The following UNC5D variants were observed in gnomAD, a reference collection of about 807,000 sequenced individuals.
The protein encoded by UNC5D is unc-5 netrin receptor D, also known as netrin receptor UNC5D.
UNC5D carries 39 observed loss-of-function variants against 105.4 expected under a neutral mutation model. The ratio of observed to expected loss-of-function variants is 0.37; its 90% CI spans 0.29 to 0.48. The LOEUF is 0.48. UNC5D is among the 20% of genes least tolerant of loss of function. The pLI, the probability that UNC5D is intolerant of heterozygous loss-of-function variation, is 0.98. For missense variants in UNC5D, 991 were observed against 1,202.4 expected (o/e 0.82, Z 2.60); for synonymous variants, 452 against 450.4 (o/e 1.00, Z -0.04).
chr8:35,697,140 TAC>T (rs10552113), intron 7 of UNC5D, among the ~76,000 whole-genome samples: 19,688 of 147,930 alleles, frequency 0.13, 2,871 homozygotes, highest in African/African-American at 0.36. Flanking sequence ...TATATATACA[TAC>T]ACACACACAC....
intron 4 of UNC5D, among the ~76,000 whole-genome samples, chr8:35,647,644 TAGCAG>T (rs1823139872): frequency 6.6e-6 from 1 of 152,186 alleles, no homozygotes; most frequent in Non-Finnish European, 1.5e-5. Flanking sequence ...AATGCTCTCT[TAGCAG>T]ATAACACAAA....
At chr8:35,319,888 A>G (rs1809594306) in intron 1 of UNC5D, among the ~76,000 whole-genome samples, 1 of 152,052 alleles carries the variant, frequency 6.6e-6, no homozygotes, top group African/African-American at 2.4e-5. Flanking sequence ...AAAATGTAAC[A>G]GTCATGTTTC....
At chr8:35,652,053 C>T (rs149090386) in intron 4 of UNC5D, among the ~76,000 whole-genome samples, 129 of 152,186 alleles carry the variant, frequency 8.5e-4, no homozygotes, top group Non-Finnish European at 1.6e-3. Context: ...TTGGGCATAC[C>T]CTAACTTGCC....
At chr8:35,445,460 G>A (rs1807716698) in intron 1 of UNC5D, among the ~76,000 whole-genome samples, 1 of 151,996 alleles carries the variant, frequency 6.6e-6, no homozygotes, top group Non-Finnish European at 1.5e-5. Flanking sequence ...GTGCTTCTGA[G>A]TTCCCTGTAA....
At chr8:35,481,415 A>C (rs776963683) in intron 1 of UNC5D, among the ~76,000 whole-genome samples, 7 of 152,286 alleles carry the variant, frequency 4.6e-5, no homozygotes, top group South Asian at 4.1e-4. Context: ...AAAGAAAAGA[A>C]AACAGAAAAT....
chr8:35,257,792 A>T (rs973344820), intron 1 of UNC5D, among the ~76,000 whole-genome samples: 10 of 152,304 alleles, frequency 6.6e-5, no homozygotes, highest in African/African-American at 2.4e-4. Flanking sequence ...TGCTAGCCAG[A>T]TTGCAGATCC....
chr8:35,670,327 C>T (rs1824697848), intron 4 of UNC5D, among the ~76,000 whole-genome samples: 1 of 151,994 alleles, frequency 6.6e-6, no homozygotes, highest in South Asian at 2.1e-4. Flanking sequence ...ATACATTGGC[C>T]ATGAAGGGAA....
At chr8:35,649,905 C>T (rs146942721) in intron 4 of UNC5D, among the ~76,000 whole-genome samples, 9 of 152,220 alleles carry the variant, frequency 5.9e-5, no homozygotes, top group African/African-American at 2.2e-4. Flanking sequence ...GTAGTATTCT[C>T]GTCTCCATCC....
intron 4 of UNC5D, among the ~76,000 whole-genome samples, chr8:35,644,546 C>CT (rs2131148469): frequency 6.6e-6 from 1 of 152,232 alleles, no homozygotes; most frequent in South Asian, 2.1e-4. Flanking sequence ...CATCCACAAT[C>CT]TAGCACCATT....
intron 1 of UNC5D, among the ~76,000 whole-genome samples, chr8:35,438,772 G>A (rs1807199130): frequency 6.6e-6 from 1 of 152,002 alleles, no homozygotes; most frequent in Admixed American, 6.6e-5. Flanking sequence ...TCAAGAACGT[G>A]TAAAGCAGAG....
chr8:35,512,559 A>ATG (rs1812822769), intron 1 of UNC5D, among the ~76,000 whole-genome samples: 1 of 92,398 alleles, frequency 1.1e-5, no homozygotes, highest in Non-Finnish European at 2.0e-5. Context: ...ATATATATAT[A>ATG]TATATATATA....
At chr8:35,451,048 T>A (rs1028458627) in intron 1 of UNC5D, among the ~76,000 whole-genome samples, 1 of 150,786 alleles carries the variant, frequency 6.6e-6, no homozygotes. Context: ...AATCTTTTTT[T>A]TTTTTTTTTT....
intron 1 of UNC5D, among the ~76,000 whole-genome samples, chr8:35,324,233 CAAA>C (rs569409228): frequency 1.1e-4 from 7 of 62,794 alleles, no homozygotes; most frequent in Admixed American, 2.2e-4. Flanking sequence ...ACCCTGTCTC[CAAA>C]AAAAAAAAAA....
chr8:35,571,019 A>G (rs1045323951), intron 3 of UNC5D, among the ~76,000 whole-genome samples: 2 of 152,028 alleles, frequency 1.3e-5, no homozygotes, highest in South Asian at 2.1e-4. Context: ...TAAAATATAT[A>G]TATACACATA....
At chr8:35,785,950 T>A (rs1256023504) in intron 16 of UNC5D, among the ~76,000 whole-genome samples, 2 of 152,140 alleles carry the variant, frequency 1.3e-5, no homozygotes, top group Non-Finnish European at 2.9e-5. Context: ...CTTATAAGGT[T>A]ATACCCTCTC....
At chr8:35,510,858 GTATT>G (rs1812656091) in intron 1 of UNC5D, among the ~76,000 whole-genome samples, 1 of 152,148 alleles carries the variant, frequency 6.6e-6, no homozygotes, top group South Asian at 2.1e-4. Flanking sequence ...TCAATGTCTG[GTATT>G]TATTTAATGT....
chr8:35,286,148 C>T (rs1257082707), intron 1 of UNC5D, among the ~76,000 whole-genome samples: 2 of 152,206 alleles, frequency 1.3e-5, no homozygotes, highest in Non-Finnish European at 2.9e-5. Flanking sequence ...GGCTGCATTT[C>T]ACTCTGTCTG....
Position 35,657,090 on chromosome 8 carries a change from A to G in UNC5D, c.571-26457A>G, listed in dbSNP as rs1363531827. On this transcript the variant is annotated intron_variant, in intron 4 of 16. Coordinates refer to ENST00000404895, the MANE Select transcript of UNC5D (RefSeq NM_080872.4). ...TGTGTGTGTGTGTGTGTATATATAT[A>G]TATATATATATATATATATATATAT... 1.2e-3 allele frequency among the ~76,000 whole-genome samples: 101 copies of G among 87,606 alleles called. 1 individual carries two copies. The highest frequency in any genetic ancestry group is 3.6e-3 in the African/African-American group (71 of 19,500). 57.5% of individuals were successfully genotyped at this position (87,606 alleles called of 152,430 possible). A position where few individuals can be genotyped will look rare whatever the true frequency, so the allele number is the denominator to read the frequency against.
At chr8:35,618,238 C>T (rs917511983) in intron 4 of UNC5D, among the ~76,000 whole-genome samples, 6 of 152,064 alleles carry the variant, frequency 3.9e-5, no homozygotes, top group Admixed American at 1.3e-4. Context: ...TTTTTTTCAA[C>T]GCTGTTATCT....
Sources: allele counts gnomAD v4.1 joint callset (sites outside exome capture counted in the v4.1 genomes callset), GRCh38; gene constraint gnomAD v4.1.1; transcripts MANE v1.5; gene names NCBI Gene and HGNC (gene_info 2026-07-23, HGNC 2026-07-21).